TNFSF8: variants seen among roughly 807,000 people sequenced by gnomAD.
The protein encoded by TNFSF8 is TNF superfamily member 8, also known as tumor necrosis factor ligand superfamily member 8.
Under a neutral mutation model 22.0 loss-of-function variants are expected in TNFSF8, and 4 were observed. That is an observed-to-expected ratio of 0.18 (90% confidence interval 0.09 to 0.42). TNFSF8 has a LOEUF of 0.42. Among genes scored for constraint, TNFSF8 ranks in the 10% least tolerant of loss-of-function variants. TNFSF8 has a pLI of 1.00. For synonymous variants in TNFSF8, 106 were observed against 112.5 expected (o/e 0.94, Z 0.37); for missense variants, 233 against 281.8 (o/e 0.83, Z 1.24).
chr9:114,923,833 G>A (rs1465410015), intron 1 of TNFSF8, among the ~76,000 whole-genome samples: 1 of 152,002 alleles, frequency 6.6e-6, no homozygotes, highest in Non-Finnish European at 1.5e-5. Context: ...ACTTGTTAAT[G>A]AGAAAGAAAA....
chr9:114,902,512 A>G lies in TNFSF8; in HGVS notation c.*1419T>C. The G allele has an allele frequency of 1.0e-6, 1 of 985,436 alleles. No homozygotes were observed. The highest frequency in any genetic ancestry group is 4.7e-5 in the South Asian group (1 of 21,290). 61.0% of individuals were successfully genotyped at this position (985,436 alleles called of 1,614,324 possible). ...GTCAGATGGTTTCCCAAACACCCAG[A>G]TGGTCTCTTAGATTCTGGATGGTCA... is the stretch of plus-strand genomic sequence containing the variant. On this transcript the variant is annotated 3_prime_UTR_variant, in exon 4 of 4. Coordinates refer to ENST00000223795, the MANE Select transcript of TNFSF8 (RefSeq NM_001244.4).
intron 1 of TNFSF8, among the ~76,000 whole-genome samples, chr9:114,927,968 CT>C (rs964970072): frequency 5.7e-4 from 85 of 148,798 alleles, no homozygotes; most frequent in African/African-American, 1.3e-3. Flanking sequence ...GAAAATGATG[CT>C]TTTTTTTTTC....
Position 114,901,288 on chromosome 9 carries a change from C to T in TNFSF8, c.*2643G>A, listed in dbSNP as rs1330105685. 7.1e-6 allele frequency: 7 copies of T among 985,244 alleles called. No homozygotes were observed. The highest frequency in any genetic ancestry group is 8.4e-6 in the Non-Finnish European group (7 of 829,910). 61.0% of individuals were successfully genotyped at this position (985,244 alleles called of 1,614,324 possible). A position where few individuals can be genotyped will look rare whatever the true frequency, so the allele number is the denominator to read the frequency against. On this transcript the variant is annotated 3_prime_UTR_variant, in exon 4 of 4. Transcript: ENST00000223795. Reference sequence around the variant, plus strand: ...TTAAACTTCCTGGGTTGCCTACTCCCTACATATCTATCAGTTGAGTTATTA... The same window carrying T: ...TTAAACTTCCTGGGTTGCCTACTCCTTACATATCTATCAGTTGAGTTATTA...
At chr9:114,897,940 T>C (rs1827673617), downstream of TNFSF8, among the ~76,000 whole-genome samples, 1 of 152,122 alleles carries the variant, frequency 6.6e-6, no homozygotes, top group African/African-American at 2.4e-5. Context: ...ACTGTGACAT[T>C]GGCCATGCTC....
At chr9:114,896,102 A>C (rs547034363) in intron 4 of TNFSF8, among the ~76,000 whole-genome samples, 1 of 152,358 alleles carries the variant, frequency 6.6e-6, no homozygotes, top group Non-Finnish European at 1.5e-5. Context: ...TGGGGGAAAC[A>C]GAGAAACATA....
downstream of TNFSF8, among the ~76,000 whole-genome samples, chr9:114,897,177 A>C (rs1827664364): frequency 6.6e-6 from 1 of 152,232 alleles, no homozygotes; most frequent in African/African-American, 2.4e-5. Context: ...CTGGCATTAC[A>C]GGCATAAGCC....
chr9:114,900,137 A>G (rs1188336942), downstream of TNFSF8, among the ~76,000 whole-genome samples: 1 of 152,210 alleles, frequency 6.6e-6, no homozygotes, highest in Non-Finnish European at 1.5e-5. Flanking sequence ...CACATAAAGG[A>G]TGGCTCAGAG....
intron 3 of TNFSF8, among the ~76,000 whole-genome samples, chr9:114,905,407 T>C (rs1482854288): frequency 6.6e-6 from 1 of 152,172 alleles, no homozygotes; most frequent in South Asian, 2.1e-4. Context: ...AATTTTATGG[T>C]TCCCTTGTGA....
In TNFSF8 at chr9:114,930,363, C is replaced by T; in HGVS notation, c.-60G>A. 1 of 1,300,874 alleles carries T rather than the reference C, an allele frequency of 7.7e-7. No homozygotes were observed. The highest frequency in any genetic ancestry group is 2.0e-5 in the South Asian group (1 of 50,672). 80.6% of individuals were successfully genotyped at this position (1,300,874 alleles called of 1,614,324 possible). Reference sequence around the variant, plus strand: ...TCTCTTCATCTGATTCAGTTCTGGGCCCATCTCTGTTCCAAGAAGGATTCT... The same window carrying T: ...TCTCTTCATCTGATTCAGTTCTGGGTCCATCTCTGTTCCAAGAAGGATTCT... On this transcript the variant is annotated 5_prime_UTR_variant, in exon 1 of 4. Transcript: ENST00000223795.
At chr9:114,898,267 G>T (rs1827677800), downstream of TNFSF8, among the ~76,000 whole-genome samples, 2 of 152,210 alleles carry the variant, frequency 1.3e-5, no homozygotes, top group Non-Finnish European at 2.9e-5. Flanking sequence ...CTCCCAAAGT[G>T]CTGGGATTAC....
intron 2 of TNFSF8, among the ~76,000 whole-genome samples, chr9:114,908,418 G>A (rs1052905034): frequency 2.0e-5 from 3 of 152,190 alleles, no homozygotes; most frequent in African/African-American, 7.2e-5. Flanking sequence ...GGGAAGATAA[G>A]ATTCATGCCT....
chr9:114,927,002 T>C, intron 1 of TNFSF8, among the ~76,000 whole-genome samples: 1 of 127,886 alleles, frequency 7.8e-6, no homozygotes. Context: ...ATATAAAATG[T>C]TTATTTTATA....
chr9:114,904,226 C>T lies in TNFSF8; in HGVS notation c.410G>A (p.Gly137Asp). Residue 137 changes from glycine (G) to aspartate (D), a missense_variant, in exon 4 of 4, where the codon GGT becomes GAT. Coordinates refer to ENST00000223795, the MANE Select transcript of TNFSF8 (RefSeq NM_001244.4). ...CAGTTGGCAAATGATGAAGTACAAA[C>T]CAGGGAATTGGATCACCAGATTCCC... ...QDGNLVIQFP[G>D]LYFIICQLQF... The T allele has an allele frequency of 1.2e-6, 2 of 1,614,126 alleles. No individual in the cohort carries two copies. Among genetic ancestry groups the T allele is most frequent in the South Asian group, 1.1e-5 (1 of 91,080 alleles).
chr9:114,893,781 T>C (rs1827628702), exon 5 of TNFSF8: 1 of 303,480 alleles, frequency 3.3e-6, no homozygotes, highest in African/African-American at 2.2e-5. Context: ...CTGAAGGGAA[T>C]TGATGTTCAC....
intron 2 of TNFSF8, among the ~76,000 whole-genome samples, chr9:114,907,750 C>G (rs1827802500): frequency 6.6e-6 from 1 of 152,172 alleles, no homozygotes; most frequent in Non-Finnish European, 1.5e-5. Context: ...TAGCCATTTT[C>G]CAGGTACTCT....
downstream of TNFSF8, among the ~76,000 whole-genome samples, chr9:114,896,342 T>G (rs982114175): frequency 6.6e-6 from 1 of 152,226 alleles, no homozygotes; most frequent in Non-Finnish European, 1.5e-5. Context: ...GGCTTAAATT[T>G]GGGAGCTTAA....
Position 114,894,098 on chromosome 9 carries a change from AG to A in TNFSF8, c.475del (p.Glu160LysfsTer8), listed in dbSNP as rs1438079992. Reference sequence around the variant, plus strand: ...CAAGGTTCAGGGTTGTAGAGTTTCAAGGCAGCAGTGTCCCTTCCCAGAGTCC... The same window carrying A: ...CAAGGTTCAGGGTTGTAGAGTTTCAAGCAGCAGTGTCCCTTCCCAGAGTCC... On this transcript the variant is annotated frameshift_variant, in exon 5 of 5. Transcript: ENST00000618336. LOFTEE classifies it high-confidence loss of function. 1.3e-6 allele frequency: 2 copies of A among 1,535,206 alleles called. No individual in the cohort carries two copies. Among genetic ancestry groups the A allele is most frequent in the Admixed American group, 3.9e-5 (2 of 50,970 alleles).
chr9:114,911,223 G>A (rs769284968), intron 2 of TNFSF8, among the ~76,000 whole-genome samples: 2 of 152,320 alleles, frequency 1.3e-5, no homozygotes, highest in Non-Finnish European at 2.9e-5. Flanking sequence ...AAGTGTTTAA[G>A]GCTATCTGAT....
intron 1 of TNFSF8, among the ~76,000 whole-genome samples, chr9:114,924,591 G>A (rs925548091): frequency 2.0e-5 from 3 of 152,114 alleles, no homozygotes; most frequent in Non-Finnish European, 4.4e-5. Flanking sequence ...AGCAATCTAG[G>A]TGCCAAGGTT....
Sources: gnomAD v4.1 joint callset for allele counts (sites outside exome capture counted in the v4.1 genomes callset) on GRCh38, gnomAD v4.1.1 for gene constraint, MANE v1.5 for transcripts, NCBI Gene and HGNC (gene_info 2026-07-23, HGNC 2026-07-21) for gene names.